PAK5: variants seen among roughly 807,000 people sequenced by gnomAD.
The protein encoded by PAK5 is p21 (RAC1) activated kinase 5, also known as serine/threonine-protein kinase PAK 5.
Under a neutral mutation model 65.9 loss-of-function variants are expected in PAK5, and 16 were observed. The ratio of observed to expected loss-of-function variants is 0.24; its 90% CI spans 0.16 to 0.37. PAK5 has a LOEUF of 0.37. PAK5 is among the 10% of genes least tolerant of loss of function. PAK5 has a pLI of 1.00. For missense variants in PAK5, 785 were observed against 903.9 expected, an observed-to-expected ratio of 0.87 and a Z score of 1.69; for synonymous variants, 371 against 354.9, an observed-to-expected ratio of 1.05 and a Z score of -0.51.
chr20:9,765,230 A>G (rs1176941004), intron 1 of PAK5, among the ~76,000 whole-genome samples: 3 of 152,180 alleles, frequency 2.0e-5, no homozygotes, highest in Non-Finnish European at 4.4e-5. Flanking sequence ...AAATGCTAGA[A>G]TTTGGGGATT....
intron 1 of PAK5, among the ~76,000 whole-genome samples, chr20:9,771,662 C>T (rs1479547249): frequency 6.8e-6 from 1 of 146,902 alleles, no homozygotes; most frequent in African/African-American, 2.5e-5. Context: ...CTCAAGTAAT[C>T]CTCCTGTATC....
intron 1 of PAK5, among the ~76,000 whole-genome samples, chr20:9,827,261 G>C (rs1041675373): frequency 6.6e-6 from 1 of 152,186 alleles, no homozygotes; most frequent in Non-Finnish European, 1.5e-5. Context: ...CTGAGTTGCT[G>C]TATACCACAG....
intron 1 of PAK5, among the ~76,000 whole-genome samples, chr20:9,803,195 A>C (rs1364253362): frequency 1.3e-5 from 2 of 152,058 alleles, no homozygotes; most frequent in Non-Finnish European, 2.9e-5. Flanking sequence ...TTATGAAAGC[A>C]AACACTGCAC....
rs770117085 is a variant in PAK5 at position 9,557,717 on chromosome 20, A to C, written c.1634T>G (p.Ile545Arg). 16 of 1,611,106 alleles carry C rather than the reference A, an allele frequency of 9.9e-6. No individual in the cohort carries two copies. Among genetic ancestry groups the C allele is most frequent in the African/African-American group, 1.3e-5 (1 of 74,990 alleles). The change falls in exon 7 of 10, where the codon ATA (isoleucine) becomes AGA (arginine). Residue 545 changes from isoleucine (I) to arginine (R), a missense_variant. Coordinates refer to ENST00000353224, the MANE Select transcript of PAK5 (RefSeq NM_177990.4). ...VTHTRMNEEQIATVCLSVLRA... is the reference protein window; with the variant it reads ...VTHTRMNEEQRATVCLSVLRA... Reference sequence around the variant, plus strand: ...CAGAACTGACAGGCAGACAGTAGCTATCTGTTCTTCATTCATTCTGGAAAG... The same window carrying C: ...CAGAACTGACAGGCAGACAGTAGCTCTCTGTTCTTCATTCATTCTGGAAAG...
At chr20:9,772,984 T>C (rs967509850) in intron 1 of PAK5, among the ~76,000 whole-genome samples, 1 of 152,212 alleles carries the variant, frequency 6.6e-6, no homozygotes, top group Non-Finnish European at 1.5e-5. Context: ...AGATCTGCTT[T>C]TGAGGAAACT....
chr20:9,692,039 C>T (rs562773145), intron 2 of PAK5, among the ~76,000 whole-genome samples: 13 of 152,246 alleles, frequency 8.5e-5, no homozygotes, highest in Middle Eastern at 3.4e-3. Context: ...CTCAACCTGC[C>T]CAGGTACATA....
chr20:9,768,327 T>TA (rs1458695906), intron 1 of PAK5, among the ~76,000 whole-genome samples: 1 of 151,892 alleles, frequency 6.6e-6, no homozygotes, highest in East Asian at 1.9e-4. Flanking sequence ...ATAGGAACGA[T>TA]AGACACTGTA....
At chr20:9,618,914 C>CGTTTTT (rs2046714824) in intron 3 of PAK5, among the ~76,000 whole-genome samples, 2 of 21,854 alleles carry the variant, frequency 9.2e-5, no homozygotes, top group African/African-American at 3.4e-4. Flanking sequence ...CTCTTTCTTT[C>CGTTTTT]GTTTTTTTTT....
At chr20:9,582,240 C>T (rs756578772) in intron 3 of PAK5, among the ~76,000 whole-genome samples, 44 of 152,124 alleles carry the variant, frequency 2.9e-4, no homozygotes, top group Admixed American at 3.3e-4. Flanking sequence ...GTTCTAGAGT[C>T]CCATCCAGGA....
intron 2 of PAK5, among the ~76,000 whole-genome samples, chr20:9,663,102 T>C (rs183529386): frequency 1.0e-3 from 157 of 152,332 alleles, no homozygotes; most frequent in Admixed American, 1.5e-3. Flanking sequence ...AGAAGATGGA[T>C]TCTATTGTAA....
At chr20:9,752,159 A>G (rs765554761) in intron 1 of PAK5, among the ~76,000 whole-genome samples, 1 of 152,152 alleles carries the variant, frequency 6.6e-6, no homozygotes, top group Non-Finnish European at 1.5e-5. Context: ...TGGTTGTATG[A>G]AAAGAAATAA....
intron 1 of PAK5, among the ~76,000 whole-genome samples, chr20:9,750,836 T>C (rs1034188467): frequency 7.9e-5 from 12 of 152,084 alleles, no homozygotes; most frequent in Non-Finnish European, 1.3e-4. Context: ...ATGGTCCCAA[T>C]TGATACCACC....
chr20:9,776,208 T>C (rs921180117), intron 1 of PAK5, among the ~76,000 whole-genome samples: 2 of 152,196 alleles, frequency 1.3e-5, no homozygotes, highest in African/African-American at 4.8e-5. Context: ...GAAACTAATA[T>C]GTCCAAAGTT....
At chr20:9,834,615 A>G (rs958920474) in intron 1 of PAK5, among the ~76,000 whole-genome samples, 12 of 152,154 alleles carry the variant, frequency 7.9e-5, no homozygotes, top group Admixed American at 7.2e-4. Flanking sequence ...ATTTCAACAG[A>G]TCAGAATAAT....
At position 9,537,943 on chromosome 20, in the gene PAK5, C is replaced by A. The variant is rs1355898925; in HGVS notation, c.*1519G>T. 4.3e-6 allele frequency: 1 copy of A among 230,496 alleles called. No homozygotes were observed. Among genetic ancestry groups the A allele is most frequent in the Non-Finnish European group, 8.6e-6 (1 of 116,256 alleles). The allele number at this position is 230,496 out of a possible 1,614,324, so 14.3% of individuals were successfully genotyped here. ...CAAAAATTCTTAATTATGCTTAGAGCAACCAGAGCGCTATCACAAATTTAA... is the reference window on the plus strand; with the variant it reads ...CAAAAATTCTTAATTATGCTTAGAGAAACCAGAGCGCTATCACAAATTTAA... On this transcript the variant is annotated 3_prime_UTR_variant, in exon 10 of 10. Coordinates refer to ENST00000353224, the MANE Select transcript of PAK5 (RefSeq NM_177990.4).
chr20:9,653,838 G>A (rs1311754212), intron 2 of PAK5, among the ~76,000 whole-genome samples: 1 of 152,148 alleles, frequency 6.6e-6, no homozygotes, highest in African/African-American at 2.4e-5. Context: ...AGTCTCTAGA[G>A]CAGAATACAT....
intron 2 of PAK5, among the ~76,000 whole-genome samples, chr20:9,708,222 A>C (rs1372387593): frequency 6.6e-6 from 1 of 152,200 alleles, no homozygotes. Context: ...CTGTTGCCTA[A>C]GCCAAGGGAC....
chr20:9,667,154 G>C (rs1256297456), intron 2 of PAK5, among the ~76,000 whole-genome samples: 1 of 152,166 alleles, frequency 6.6e-6, no homozygotes, highest in Non-Finnish European at 1.5e-5. Flanking sequence ...GTGTGCACCT[G>C]TAATCCCAGC....
At chr20:9,836,790 C>T (rs1979182882) in intron 1 of PAK5, among the ~76,000 whole-genome samples, 1 of 152,152 alleles carries the variant, frequency 6.6e-6, no homozygotes, top group Non-Finnish European at 1.5e-5. Context: ...CAGTCACCAC[C>T]ATTTTCCTGG....
Sources: allele counts gnomAD v4.1 joint callset (sites outside exome capture counted in the v4.1 genomes callset), GRCh38; gene constraint gnomAD v4.1.1; transcripts MANE v1.5; gene names NCBI Gene and HGNC (gene_info 2026-07-23, HGNC 2026-07-21).